IL2RB: variants seen among roughly 807,000 people sequenced by gnomAD.
The protein encoded by IL2RB is interleukin 2 receptor subunit beta, also known as interleukin-2 receptor subunit beta.
IL2RB carries 17 observed loss-of-function variants against 44.2 expected under a neutral mutation model. That is an observed-to-expected ratio of 0.38 (90% CI 0.26 to 0.58). The LOEUF is 0.58. Ranked by LOEUF, IL2RB falls within the 20% of genes least tolerant of loss-of-function variation. IL2RB has a pLI of 0.63. For synonymous variants in IL2RB, 286 were observed against 297.9 expected (o/e 0.96, Z 0.41); for missense variants, 624 against 685.5 (o/e 0.91, Z 1.00).
chr22:37,135,573 G>C lies in IL2RB; in HGVS notation c.704-131C>G, dbSNP rs1377423202. 12 of 620,068 alleles carry C rather than the reference G, an allele frequency of 1.9e-5. No homozygotes were observed. In the Middle Eastern group the frequency reaches 1.2e-3, roughly 64 times the overall value. The allele number at this position is 620,068 out of a possible 1,614,324, so 38.4% of individuals were successfully genotyped here. ...CCTGCGTCTGGGGGGCTGGGGACAG[G>C]GTTCTGCTAAGCCCATCCTCTGGGA... On this transcript the variant is annotated intron_variant, in intron 7 of 9. Transcript: ENST00000216223.
At position 37,128,323 on chromosome 22, in the gene IL2RB, G is replaced by C. The variant is rs904851736; in HGVS notation, c.1429C>G (p.Pro477Ala). 1.3e-6 allele frequency: 2 copies of C among 1,504,246 alleles called. No homozygotes were observed. The highest frequency in any genetic ancestry group is 2.8e-5 in the African/African-American group (2 of 71,294). 93.2% of individuals were successfully genotyped at this position (1,504,246 alleles called of 1,614,324 possible). ...WDPQPLGPPT[P>A]GVPDLVDFQP... ...AAATCCACCAGGTCTGGGACTCCTG[G>C]GGTGGGAGGCCCCAGGGGCTGGGGG... Residue 477 changes from proline to alanine, a missense_variant, in exon 10 of 10, where the codon CCA becomes GCA. Coordinates refer to ENST00000216223, the MANE Select transcript of IL2RB (RefSeq NM_000878.5). The surrounding 1 kb of genome is among the most constrained non-coding windows in gnomAD (Gnocchi z 4.5).
chr22:37,164,614 C>T (rs543848658), intron 1 of IL2RB, among the ~76,000 whole-genome samples: 2 of 152,184 alleles, frequency 1.3e-5, no homozygotes, highest in African/African-American at 4.8e-5. Flanking sequence ...GGCCTTCTTC[C>T]TGTTTCTCTC....
rs756610778 is a variant in IL2RB at position 37,128,440 on chromosome 22, G to A, written c.1312C>T (p.Pro438Ser). The A allele has an allele frequency of 6.5e-7, 1 of 1,543,904 alleles. No homozygotes were observed. The highest frequency in any genetic ancestry group is 8.7e-7 in the Non-Finnish European group (1 of 1,143,608). ...LLFSPSLLGG[P>S]SPPSTAPGGS... ...CCAGGGGCAGTGCTTGGGGGGCTGG[G>A]GCCACCGAGGAGACTGGGGGAGAAG... Residue 438 changes from proline (P) to serine (S), a missense_variant, in exon 10 of 10, where the codon CCC (proline) becomes TCC (serine). Pro to Ser is a moderately conservative substitution (Grantham distance 74). Around this residue, in one of 3 missense-constraint regions of IL2RB, gnomAD observed 291 missense variants for 275.5 expected, o/e 1.06. Coordinates refer to ENST00000216223, the MANE Select transcript of IL2RB (RefSeq NM_000878.5). This position sits in a 1 kb window ranked among gnomAD's most constrained non-coding sequence, Gnocchi z 4.5.
intron 8 of IL2RB, 96 bp downstream of exon 8, chr22:37,135,232 G>A (rs1921624106): frequency 2.5e-6 from 2 of 791,072 alleles, no homozygotes; most frequent in Admixed American, 1.9e-5. Flanking sequence ...GTGTGTGTGT[G>A]TATGTGTGCT....
At chr22:37,172,395 C>CCCAA (rs1409232017) in intron 1 of IL2RB, among the ~76,000 whole-genome samples, 7 of 152,148 alleles carry the variant, frequency 4.6e-5, no homozygotes, top group African/African-American at 1.7e-4. Context: ...GGTCCTGCTT[C>CCCAA]CCAAATCTGC....
rs2146221640 is a variant in IL2RB at position 37,127,160 on chromosome 22, C to T, written c.*936G>A. On this transcript the variant is annotated 3_prime_UTR_variant, in exon 10 of 10. Coordinates refer to ENST00000216223, the MANE Select transcript of IL2RB (RefSeq NM_000878.5). ...CAGCTTCTCTTGTGGGTCTGTGAAGCCACTGTGGGAAGATGCAGCAGGCAT... is the reference window on the plus strand; with the variant it reads ...CAGCTTCTCTTGTGGGTCTGTGAAGTCACTGTGGGAAGATGCAGCAGGCAT... 6.6e-6 allele frequency: 1 copy of T among 152,328 alleles called. No individual in the cohort carries two copies. The highest frequency in any genetic ancestry group is 6.5e-5 in the Admixed American group (1 of 15,302). 9.4% of individuals were successfully genotyped at this position (152,328 alleles called of 1,614,324 possible).
At chr22:37,144,545 GAC>G (rs1374116794) in intron 1 of IL2RB, among the ~76,000 whole-genome samples, 2 of 152,202 alleles carry the variant, frequency 1.3e-5, no homozygotes, top group Admixed American at 6.5e-5. Context: ...AAGAGTTTGA[GAC>G]CAGCCTGACC....
chr22:37,169,270 CTTGCTTACAGATGGATTCT>C (rs1461184649), intron 1 of IL2RB, among the ~76,000 whole-genome samples: 59 of 147,378 alleles, frequency 4.0e-4, no homozygotes, highest in African/African-American at 1.4e-3. Context: ...CAGAGGGGTT[CTTGCTTACAGATGGATTCT>C]GTTTACAGAG....
At chr22:37,150,634 G>GA (rs1922449891), upstream of IL2RB, among the ~76,000 whole-genome samples, 1 of 151,724 alleles carries the variant, frequency 6.6e-6, no homozygotes, top group Non-Finnish European at 1.5e-5. Context: ...AATTATTGTT[G>GA]ACTAAAGTCA....
chr22:37,169,081 A>G (rs944102256), intron 1 of IL2RB, among the ~76,000 whole-genome samples: 1 of 151,362 alleles, frequency 6.6e-6, no homozygotes, highest in African/African-American at 2.4e-5. Context: ...GTTCTTGCTT[A>G]CAGAGGGGTT....
chr22:37,129,521 T>G (rs1921317402), intron 9 of IL2RB, among the ~76,000 whole-genome samples: 1 of 141,514 alleles, frequency 7.1e-6, no homozygotes, highest in African/African-American at 2.6e-5. Flanking sequence ...TCTCAGTTGC[T>G]CGGGATTCCA....
chr22:37,139,213 G>C lies in IL2RB; in HGVS notation c.292C>G (p.Leu98Val). 6.2e-7 allele frequency: 1 copy of C among 1,612,068 alleles called. No individual in the cohort carries two copies. The highest frequency in any genetic ancestry group is 8.5e-7 in the Non-Finnish European group (1 of 1,178,666). ...LILGAPDSQK[L>V]TTVDIVTLRV... ...AGGGTGACGATGTCAACTGTGGTCA[G>C]TTTCTGAGACTGCAAGGGAAGGAGG... is the stretch of plus-strand genomic sequence containing the variant. The change falls in exon 5 of 10, where the codon CTG becomes GTG. Residue 98 changes from leucine (L) to valine (V), a missense_variant. Coordinates refer to ENST00000216223, the MANE Select transcript of IL2RB (RefSeq NM_000878.5).
intron 3 of IL2RB, 77 bp downstream of exon 3, chr22:37,143,444 C>G: frequency 1.0e-6 from 1 of 971,220 alleles, no homozygotes. Flanking sequence ...ACGTTGACTC[C>G]TTGGAGTCCA....
rs113402035 is a variant in IL2RB, at chr22:37,141,667, C to T, written c.282+767G>A. 3.3e-5 allele frequency among the ~76,000 whole-genome samples: 5 copies of T among 152,324 alleles called. No individual in the cohort carries two copies. The highest frequency in any genetic ancestry group is 1.2e-4 in the African/African-American group (5 of 41,574). On this transcript the variant is annotated intron_variant, in intron 4 of 9. Transcript: ENST00000216223. This position sits in a 1 kb window ranked among gnomAD's most constrained non-coding sequence, Gnocchi z 4.4. Reference sequence around the variant, plus strand: ...GCCCACTCCAATCTCAGAGCGGGACCAAGCCCAGGCACTACCACAGCCTGG... The same window carrying T: ...GCCCACTCCAATCTCAGAGCGGGACTAAGCCCAGGCACTACCACAGCCTGG...
chr22:37,166,254 G>T (rs1243072280), intron 1 of IL2RB, among the ~76,000 whole-genome samples: 1 of 152,170 alleles, frequency 6.6e-6, no homozygotes, highest in Admixed American at 6.5e-5. Context: ...GGCACTCAGC[G>T]CCAGAGCCTC....
intron 1 of IL2RB, among the ~76,000 whole-genome samples, chr22:37,169,910 G>A (rs572522721): frequency 1.1e-3 from 160 of 152,262 alleles, no homozygotes; most frequent in African/African-American, 3.6e-3. Context: ...GTATGTGCCT[G>A]GAGCATAGGA....
intron 8 of IL2RB, among the ~76,000 whole-genome samples, chr22:37,133,556 G>A (rs1295889003): frequency 6.6e-6 from 1 of 152,186 alleles, no homozygotes; most frequent in African/African-American, 2.4e-5. Flanking sequence ...AGCTAGGCAC[G>A]CTTTGCAAAC....
chr22:37,172,320 C>T lies in IL2RB; in HGVS notation c.-34+2638G>A, dbSNP rs1923317442. ...CCAGGGTAGCCCCAGCTCCTTGGCGCCCGCTGTGCTTGGGATCCCTGGCTG... is the reference window on the plus strand; with the variant it reads ...CCAGGGTAGCCCCAGCTCCTTGGCGTCCGCTGTGCTTGGGATCCCTGGCTG... On this transcript the variant is annotated intron_variant, in intron 1 of 5. Coordinates refer to the IL2RB transcript ENST00000429622. 2.0e-5 allele frequency among the ~76,000 whole-genome samples: 3 copies of T among 152,168 alleles called. No individual in the cohort carries two copies. In the South Asian group the frequency reaches 6.2e-4, roughly 32 times the overall value.
upstream of IL2RB, among the ~76,000 whole-genome samples, chr22:37,152,246 A>G (rs1922518853): frequency 6.6e-6 from 1 of 152,166 alleles, no homozygotes. Flanking sequence ...AGTTTCTTGC[A>G]CCAACGTTTT....
Sources: allele counts gnomAD v4.1 joint callset (sites outside exome capture counted in the v4.1 genomes callset), GRCh38; gene constraint gnomAD v4.1.1; regional missense constraint gnomAD v4.1.1; non-coding constraint Gnocchi (gnomAD v3.1); transcripts MANE v1.5; gene names NCBI Gene and HGNC (gene_info 2026-07-23, HGNC 2026-07-21).